The following KCNMB2 variants were observed in gnomAD, a reference collection of about 807,000 sequenced individuals.
The protein encoded by KCNMB2 is potassium calcium-activated channel subfamily M regulatory beta subunit 2.
Under a neutral mutation model 24.5 loss-of-function variants are expected in KCNMB2, and 9 were observed. The ratio of observed to expected loss-of-function variants is 0.37; its 90% CI spans 0.22 to 0.64. The LOEUF (loss-of-function observed/expected upper bound fraction) is 0.64, where lower values mean the gene tolerates loss of function less well. KCNMB2 is among the 30% of genes least tolerant of loss of function. KCNMB2 has a pLI of 0.63. For missense variants in KCNMB2, 226 were observed against 284.3 expected (o/e 0.79, Z 1.47); for synonymous variants, 109 against 104.4 (o/e 1.04, Z -0.27).
intron 1 of KCNMB2, among the ~76,000 whole-genome samples, chr3:178,779,885 C>G (rs1712751230): frequency 6.6e-6 from 1 of 152,042 alleles, no homozygotes; most frequent in Non-Finnish European, 1.5e-5. Context: ...AAGTTAAATA[C>G]TTCTACAAAG....
chr3:178,817,275 C>A (rs1387125120), intron 2 of KCNMB2, among the ~76,000 whole-genome samples: 1 of 144,892 alleles, frequency 6.9e-6, no homozygotes, highest in Non-Finnish European at 1.5e-5. Context: ...ACACATTGCT[C>A]CTGATGAAAT....
chr3:178,782,802 C>G (rs1433492653), intron 1 of KCNMB2, among the ~76,000 whole-genome samples: 1 of 151,134 alleles, frequency 6.6e-6, no homozygotes, highest in Admixed American at 6.6e-5. Context: ...TTAATTAGAT[C>G]CCATTTGTCA....
chr3:178,691,352 G>A (rs1471171540), intron 1 of KCNMB2, among the ~76,000 whole-genome samples: 2 of 149,520 alleles, frequency 1.3e-5, no homozygotes, highest in African/African-American at 4.9e-5. Flanking sequence ...TTTCATCACT[G>A]AGTTATTAAG....
intron 1 of KCNMB2, among the ~76,000 whole-genome samples, chr3:178,667,885 G>A (rs1034424315): frequency 6.6e-6 from 1 of 152,082 alleles, no homozygotes; most frequent in African/African-American, 2.4e-5. Flanking sequence ...GTTGGCCAAG[G>A]CTGACAGACA....
intron 1 of KCNMB2, among the ~76,000 whole-genome samples, chr3:178,668,844 A>T (rs1242337746): frequency 6.6e-6 from 1 of 152,138 alleles, no homozygotes; most frequent in Non-Finnish European, 1.5e-5. Context: ...TGGTTTATCT[A>T]TTACTACTTT....
chr3:178,582,901 C>T (rs1204807231), intron 1 of KCNMB2, among the ~76,000 whole-genome samples: 1 of 152,102 alleles, frequency 6.6e-6, no homozygotes, highest in Non-Finnish European at 1.5e-5. Context: ...ATTGCATGAC[C>T]ACGAGCAAAT....
At chr3:178,671,122 G>A (rs1366541862) in intron 1 of KCNMB2, among the ~76,000 whole-genome samples, 7 of 125,048 alleles carry the variant, frequency 5.6e-5, no homozygotes, top group South Asian at 2.6e-4. Context: ...CAAAACACAC[G>A]TACAAACACA....
intron 1 of KCNMB2, among the ~76,000 whole-genome samples, chr3:178,695,699 CA>C (rs1366724470): frequency 3.3e-5 from 5 of 152,130 alleles, no homozygotes; most frequent in Non-Finnish European, 7.3e-5. Flanking sequence ...GCCTGGATTT[CA>C]TTGTCTATAT....
At chr3:178,589,857 T>G (rs1440008177) in intron 1 of KCNMB2, among the ~76,000 whole-genome samples, 2 of 152,188 alleles carry the variant, frequency 1.3e-5, no homozygotes, top group African/African-American at 4.8e-5. Flanking sequence ...CAATAAATAC[T>G]TGTGGGTTAA....
intron 1 of KCNMB2, among the ~76,000 whole-genome samples, chr3:178,592,636 T>C (rs1043523540): frequency 1.3e-5 from 2 of 152,192 alleles, no homozygotes; most frequent in Admixed American, 1.3e-4. Flanking sequence ...TGTTAACCTG[T>C]AATCTGGGTT....
At chr3:178,723,485 T>C (rs1280847931) in intron 1 of KCNMB2, among the ~76,000 whole-genome samples, 2 of 152,226 alleles carry the variant, frequency 1.3e-5, no homozygotes, top group African/African-American at 4.8e-5. Context: ...ATATCTTTCC[T>C]GTTTTTATTT....
intron 2 of KCNMB2, among the ~76,000 whole-genome samples, chr3:178,812,381 TC>T (rs1160179430): frequency 9.9e-6 from 1 of 100,566 alleles, no homozygotes. Flanking sequence ...ATGCTATCCC[TC>T]CCCCCTCCCC....
chr3:178,770,201 C>T (rs187158194), intron 1 of KCNMB2, among the ~76,000 whole-genome samples: 3 of 152,308 alleles, frequency 2.0e-5, no homozygotes, highest in Admixed American at 2.0e-4. Context: ...GCCTGGTCTC[C>T]AGGCAGGTGT....
At chr3:178,709,644 G>T (rs1195899288) in intron 1 of KCNMB2, among the ~76,000 whole-genome samples, 1 of 152,150 alleles carries the variant, frequency 6.6e-6, no homozygotes, top group East Asian at 1.9e-4. Flanking sequence ...ATGGAATTTT[G>T]TTCATTCAGT....
At chr3:178,628,126 A>T (rs1226197751) in intron 1 of KCNMB2, among the ~76,000 whole-genome samples, 1 of 152,186 alleles carries the variant, frequency 6.6e-6, no homozygotes, top group Non-Finnish European at 1.5e-5. Context: ...TTATTATTAG[A>T]ATTATCTTAG....
intron 1 of KCNMB2, among the ~76,000 whole-genome samples, chr3:178,699,680 G>A (rs768796914): frequency 5.9e-5 from 9 of 152,306 alleles, no homozygotes; most frequent in Non-Finnish European, 1.3e-4. Flanking sequence ...ACCACCCTGC[G>A]GAGATCAGAA....
intron 1 of KCNMB2, among the ~76,000 whole-genome samples, chr3:178,777,920 G>A (rs1184506133): frequency 6.6e-6 from 1 of 152,114 alleles, no homozygotes; most frequent in Non-Finnish European, 1.5e-5. Flanking sequence ...CAGATCTAGG[G>A]ATGTGTCACA....
intron 1 of KCNMB2, among the ~76,000 whole-genome samples, chr3:178,606,753 C>T (rs1718287540): frequency 6.6e-6 from 1 of 152,084 alleles, no homozygotes; most frequent in Non-Finnish European, 1.5e-5. Flanking sequence ...AATCCTCATC[C>T]CTAATATGAT....
chr3:178,648,073 C>T (rs1719982252), intron 1 of KCNMB2, among the ~76,000 whole-genome samples: 1 of 152,224 alleles, frequency 6.6e-6, no homozygotes, highest in African/African-American at 2.4e-5. Context: ...TCATCAAGTG[C>T]ATGCAGAGCC....
Sources: gnomAD v4.1 joint callset for allele counts (sites outside exome capture counted in the v4.1 genomes callset) on GRCh38, gnomAD v4.1.1 for gene constraint, MANE v1.5 for transcripts, NCBI Gene and HGNC (gene_info 2026-07-23, HGNC 2026-07-21) for gene names.